Variants in RBFOX1 observed in about 807,000 individuals in gnomAD.
RBFOX1 encodes the protein RNA binding protein fox-1 homolog 1.
In RBFOX1, 8 loss-of-function variants were observed where a neutral mutation model predicts 57.7. The ratio of observed to expected loss-of-function variants is 0.14; its 90% confidence interval spans 0.08 to 0.25. RBFOX1 has a LOEUF of 0.25. Among genes scored for constraint, RBFOX1 ranks in the 10% least tolerant of loss-of-function variants. RBFOX1 has a pLI of 1.00. For synonymous variants in RBFOX1, 326 were observed against 222.4 expected (o/e 1.47, Z -4.15); for missense variants, 611 against 548.5 (o/e 1.11, Z -1.14).
At chr16:7,707,475 C>T (rs756113783) in intron 14 of RBFOX1, among the ~76,000 whole-genome samples, 5 of 152,244 alleles carry the variant, frequency 3.3e-5, no homozygotes, top group African/African-American at 4.8e-5. Flanking sequence ...GTTGATAATA[C>T]AGACAAACCA....
In RBFOX1 at chr16:7,217,753, A is replaced by G. The variant is rs149195155; in HGVS notation, c.27+165655A>G. On this transcript the variant is annotated intron_variant, in intron 4 of 15. Transcript: ENST00000550418. ...CTTTATTTACATCAGTAAAGATTGC[A>G]AGGAGACATCAGAAAGAACATTTTT... 3.3e-5 allele frequency among the ~76,000 whole-genome samples: 5 copies of G among 152,350 alleles called. No individual in the cohort carries two copies. The East Asian group carries it at 9.6e-4, about 29-fold the overall frequency.
chr16:5,851,859 A>G (rs2056905070), intron 3 of RBFOX1, among the ~76,000 whole-genome samples: 1 of 152,168 alleles, frequency 6.6e-6, no homozygotes, highest in Non-Finnish European at 1.5e-5. Flanking sequence ...TAAAGGAAGG[A>G]CGATGTCTTG....
At chr16:6,592,361 G>A (rs2097723313) in intron 2 of RBFOX1, among the ~76,000 whole-genome samples, 1 of 152,090 alleles carries the variant, frequency 6.6e-6, no homozygotes, top group African/African-American at 2.4e-5. Flanking sequence ...ATCCACAAAG[G>A]GTCTTTGGAT....
chr16:6,129,575 G>A (rs1476048621), intron 1 of RBFOX1, among the ~76,000 whole-genome samples: 3 of 151,966 alleles, frequency 2.0e-5, no homozygotes, highest in African/African-American at 7.2e-5. Flanking sequence ...CATAGAGGTA[G>A]GGAGGAGAGA....
At chr16:7,176,782 A>G (rs1273960401) in intron 4 of RBFOX1, among the ~76,000 whole-genome samples, 1 of 152,244 alleles carries the variant, frequency 6.6e-6, no homozygotes, top group African/African-American at 2.4e-5. Context: ...ATATAAATAA[A>G]TATGTACTTA....
intron 2 of RBFOX1, among the ~76,000 whole-genome samples, chr16:6,518,804 T>C (rs779827727): frequency 2.3e-5 from 2 of 88,716 alleles, no homozygotes; most frequent in Non-Finnish European, 4.9e-5. Context: ...TCTGTCTATC[T>C]ATCTATCTAT....
At chr16:6,452,466 C>G (rs2094654436) in intron 2 of RBFOX1, among the ~76,000 whole-genome samples, 1 of 152,150 alleles carries the variant, frequency 6.6e-6, no homozygotes, top group African/African-American at 2.4e-5. Context: ...TTCCATGGCT[C>G]CATCCTTCCA....
At chr16:6,535,220 C>G (rs759119513) in intron 2 of RBFOX1, among the ~76,000 whole-genome samples, 7 of 152,134 alleles carry the variant, frequency 4.6e-5, no homozygotes, top group Admixed American at 6.6e-5. Context: ...CTGTTCTAAG[C>G]CAACTGGGAG....
chr16:6,236,039 T>G (rs1039524591), intron 1 of RBFOX1, among the ~76,000 whole-genome samples: 2 of 152,164 alleles, frequency 1.3e-5, no homozygotes, highest in Admixed American at 6.5e-5. Flanking sequence ...TAGGAAAGAA[T>G]GACACTGACA....
At chr16:6,315,457 G>C (rs1225902273) in intron 1 of RBFOX1, among the ~76,000 whole-genome samples, 1 of 149,738 alleles carries the variant, frequency 6.7e-6, no homozygotes, top group African/African-American at 2.5e-5. Flanking sequence ...GGGTGAATCG[G>C]TGGATGGGTG....
At chr16:6,025,564 T>C (rs2095174731) in intron 1 of RBFOX1, among the ~76,000 whole-genome samples, 1 of 152,208 alleles carries the variant, frequency 6.6e-6, no homozygotes, top group South Asian at 2.1e-4. Flanking sequence ...ATGGCTTGAC[T>C]GACAAGTCTC....
chr16:5,647,709 T>C (rs1303386724), intron 3 of RBFOX1, among the ~76,000 whole-genome samples: 1 of 152,168 alleles, frequency 6.6e-6, no homozygotes, highest in African/African-American at 2.4e-5. Flanking sequence ...AATAAGAACC[T>C]GCAACGCCAG....
intron 4 of RBFOX1, chr16:7,333,155 T>C: frequency 6.8e-7 from 1 of 1,471,580 alleles, no homozygotes; most frequent in Non-Finnish European, 9.5e-7. Flanking sequence ...TTGGAATTTT[T>C]ATGGTTGAGA....
intron 3 of RBFOX1, among the ~76,000 whole-genome samples, chr16:5,763,708 A>C (rs1441811164): frequency 6.6e-6 from 1 of 152,230 alleles, no homozygotes; most frequent in Non-Finnish European, 1.5e-5. Flanking sequence ...CCCAACGATC[A>C]GCAGGTCGAG....
At chr16:7,395,100 CTT>C (rs1220741654) in intron 4 of RBFOX1, among the ~76,000 whole-genome samples, 1 of 151,258 alleles carries the variant, frequency 6.6e-6, no homozygotes, top group African/African-American at 2.4e-5. Context: ...TTTTTTTTCT[CTT>C]GAGTTAGTAT....
intron 2 of RBFOX1, among the ~76,000 whole-genome samples, chr16:5,512,564 C>G (rs534195696): frequency 3.9e-5 from 6 of 152,216 alleles, no homozygotes; most frequent in South Asian, 2.1e-4. Flanking sequence ...GCTCTGTGAC[C>G]TAGGGCAATT....
chr16:7,283,375 C>A (rs865792692), intron 4 of RBFOX1, among the ~76,000 whole-genome samples: 1 of 151,998 alleles, frequency 6.6e-6, no homozygotes, highest in East Asian at 2.0e-4. Flanking sequence ...ATTGAACCAG[C>A]ATGGATCAGT....
intron 3 of RBFOX1, among the ~76,000 whole-genome samples, chr16:6,924,135 C>G (rs552602279): frequency 3.3e-5 from 5 of 151,768 alleles, no homozygotes; most frequent in South Asian, 2.1e-4. Flanking sequence ...TACCACTGCA[C>G]TCCAGCCTGG....
intron 5 of RBFOX1, among the ~76,000 whole-genome samples, chr16:7,574,592 A>G (rs1015207383): frequency 2.6e-5 from 4 of 152,142 alleles, no homozygotes; most frequent in South Asian, 2.1e-4. Flanking sequence ...TGGAAGACTC[A>G]GCCAGTCTAG....
Sources: allele counts gnomAD v4.1 joint callset (sites outside exome capture counted in the v4.1 genomes callset), GRCh38; gene constraint gnomAD v4.1.1; transcripts MANE v1.5; gene names NCBI Gene and HGNC (gene_info 2026-07-23, HGNC 2026-07-21).